The following MKS1 variants were observed in gnomAD, a reference collection of about 807,000 sequenced individuals.
MKS1 encodes the protein MKS transition zone complex subunit 1.
In MKS1, 70 loss-of-function variants were observed where a neutral mutation model predicts 83.7. The ratio of observed to expected loss-of-function variants is 0.84; its 90% CI spans 0.69 to 1.02. The LOEUF is 1.02. Ranked by LOEUF, MKS1 falls within the 50% of genes least tolerant of loss-of-function variation. The probability of loss-of-function intolerance (pLI) is 0.00; values close to 1 mark genes in which losing one functional copy is unlikely to be tolerated. For synonymous variants in MKS1, 251 were observed against 273.4 expected (o/e 0.92, Z 0.81); for missense variants, 681 against 726.9 (o/e 0.94, Z 0.73).
Position 58,211,042 on chromosome 17 carries a change from GA to G in MKS1, c.916-21del. 6.2e-7 allele frequency: 1 copy of G among 1,613,418 alleles called. No individual in the cohort carries two copies. Among genetic ancestry groups the G allele is most frequent in the Admixed American group, 1.7e-5 (1 of 60,032 alleles). ...GACAGTCTAAGGTGAAGAGAAGTGG[GA>G]AAGGATCAGCAGGCCTGGAGGGAAT... is the stretch of plus-strand genomic sequence containing the variant. On this transcript the variant is annotated intron_variant, in intron 9 of 17. Transcript: ENST00000393119.
chr17:58,210,882 C>T (rs1388320565), intron 10 of MKS1, 98 bp downstream of exon 10: 1 of 1,497,188 alleles, frequency 6.7e-7, no homozygotes, highest in Non-Finnish European at 9.3e-7. Context: ...TTCCCAAGTA[C>T]AGCAGACAAG....
At chr17:58,214,888 G>A (rs375727823) in intron 4 of MKS1, 50 bp from the exon 5 acceptor site, 10 of 1,563,460 alleles carry the variant, frequency 6.4e-6, no homozygotes, top group African/African-American at 2.7e-5. Context: ...GGGCCACATG[G>A]AGCCAAGTAC....
At chr17:58,213,223 T>C (rs1305963357) in intron 7 of MKS1, 133 bp from the exon 8 acceptor site, 6 of 850,454 alleles carry the variant, frequency 7.1e-6, no homozygotes, top group Admixed American at 4.0e-5. Flanking sequence ...AGTGGCTGTA[T>C]TGACGACCAG....
intron 3 of MKS1, 145 bp downstream of exon 3, chr17:58,216,521 C>G: frequency 1.0e-6 from 1 of 974,432 alleles, no homozygotes. Flanking sequence ...GTGGCAATCC[C>G]TATGTTACAA....
At chr17:58,211,729 ATTTTTTTT>A (rs35375018) in intron 9 of MKS1, among the ~76,000 whole-genome samples, 1 of 137,248 alleles carries the variant, frequency 7.3e-6, no homozygotes, top group African/African-American at 2.7e-5. Context: ...TGCCTTGCTA[ATTTTTTTT>A]TTTTTTTTTG....
intron 2 of MKS1, among the ~76,000 whole-genome samples, chr17:58,218,275 C>A (rs912180386): frequency 6.6e-6 from 1 of 151,678 alleles, no homozygotes; most frequent in Non-Finnish European, 1.5e-5. Flanking sequence ...GGTGAAACCC[C>A]GCCTCTACTG....
rs748014480 is a variant in MKS1 at position 58,212,331 on chromosome 17, T to G, written c.915+47A>C. 2.7e-5 allele frequency: 43 copies of G among 1,608,968 alleles called. No individual in the cohort carries two copies. The African/African-American group carries it at 5.6e-4, about 21-fold the overall frequency. On this transcript the variant is annotated intron_variant, in intron 9 of 17. Coordinates refer to ENST00000393119, the MANE Select transcript of MKS1 (RefSeq NM_017777.4). ...TGTAACTCATCCACAGTCAGAATGC[T>G]CCGGCTAAACACAGCTCACAGTGCT...
chr17:58,212,001 AT>A (rs1347434904), intron 9 of MKS1, among the ~76,000 whole-genome samples: 17 of 152,234 alleles, frequency 1.1e-4, no homozygotes, highest in African/African-American at 4.1e-4. Context: ...TAAATTAATT[AT>A]AAAGTAATAC....
chr17:58,217,856 C>G (rs1239793303), intron 2 of MKS1, among the ~76,000 whole-genome samples: 2 of 152,160 alleles, frequency 1.3e-5, no homozygotes, highest in African/African-American at 2.4e-5. Context: ...CTAATACACT[C>G]TTGGGTATGC....
Position 58,212,973 on chromosome 17 carries a change from T to C in MKS1, c.858+9A>G, listed in dbSNP as rs3826300. On this transcript the variant is annotated intron_variant, in intron 8 of 17. Transcript: ENST00000393119. ...ATCCCTTGGATACTTGGAATGAACT[T>C]GCGCTTACATCCTTGAACACTCGCC... The C allele has an allele frequency of 0.45, 720,072 of 1,612,244 alleles. 168,926 individuals carry two copies. Among genetic ancestry groups the C allele is most frequent in the African/African-American group, 0.8 (59,969 of 74,880 alleles).
chr17:58,206,385 A>G lies in MKS1; in HGVS notation c.1491-5T>C. ...GAGCTCGATTCCATGAAGGCCCTGC[A>G]GGGAGGCCAGCCACATGGTTACGGC... On this transcript the variant is annotated splice_region_variant and splice_polypyrimidine_tract_variant and intron_variant, in intron 16 of 17. Coordinates refer to ENST00000393119, the MANE Select transcript of MKS1 (RefSeq NM_017777.4). 1 of 1,614,136 alleles carries G rather than the reference A, an allele frequency of 6.2e-7. No individual in the cohort carries two copies. The highest frequency in any genetic ancestry group is 8.5e-7 in the Non-Finnish European group (1 of 1,180,006).
intron 5 of MKS1, 45 bp from the exon 6 acceptor site, chr17:58,214,432 G>A (rs1408341724): frequency 6.2e-7 from 1 of 1,612,052 alleles, no homozygotes; most frequent in African/African-American, 1.3e-5. Context: ...ACACCCCAAT[G>A]GAGCACCCCA....
chr17:58,215,267 A>G (rs1969122770), intron 4 of MKS1, among the ~76,000 whole-genome samples: 1 of 152,144 alleles, frequency 6.6e-6, no homozygotes, highest in Admixed American at 6.5e-5. Flanking sequence ...AATTTTATTT[A>G]ATTTATATAT....
intron 4 of MKS1, 177 bp from the exon 5 acceptor site, chr17:58,215,015 TTCTACC>T (rs933484090): frequency 5.5e-5 from 50 of 902,250 alleles, no homozygotes; most frequent in Admixed American, 9.6e-5. Context: ...CAAAGAAGAT[TTCTACC>T]ACATCATGGT....
Position 58,205,851 on chromosome 17 carries a change from G to A in MKS1, c.*228C>T. ...CTTGCTGTGATGCCCATTGACAGTG[G>A]CTGCAAATATAAAGGGGGGGCCACA... On this transcript the variant is annotated 3_prime_UTR_variant, in exon 18 of 18. Coordinates refer to ENST00000393119, the MANE Select transcript of MKS1 (RefSeq NM_017777.4). 1 of 1,437,990 alleles carries A rather than the reference G, an allele frequency of 7.0e-7. No homozygotes were observed. The allele number at this position is 1,437,990 out of a possible 1,614,324, so 89.1% of individuals were successfully genotyped here. A position where few individuals can be genotyped will look rare whatever the true frequency, so the allele number is the denominator to read the frequency against.
intron 8 of MKS1, 47 bp downstream of exon 8, chr17:58,212,935 G>C (rs1273702372): frequency 5.7e-6 from 9 of 1,574,182 alleles, no homozygotes; most frequent in Non-Finnish European, 1.7e-6. Flanking sequence ...CTCAGCTCCA[G>C]GCACTGAGGC....
In MKS1 at chr17:58,212,136, C is replaced by A. The variant is rs116573488; in HGVS notation, c.915+242G>T. The stretch of plus-strand genomic sequence containing the variant: ...CTACCACATCTAATCCCACCCTCCC[C>A]AGAGAAAGCCACCCACAGCATGTGC... On this transcript the variant is annotated intron_variant, in intron 9 of 17. Transcript: ENST00000393119. Among the ~76,000 whole-genome samples, 1,821 of 152,282 alleles carry A rather than the reference C, an allele frequency of 0.012. 49 individuals are homozygous for A. The highest frequency in any genetic ancestry group is 0.042 in the African/African-American group (1,730 of 41,548).
intron 3 of MKS1, 125 bp from the exon 4 acceptor site, chr17:58,216,368 A>G: frequency 9.1e-7 from 1 of 1,100,910 alleles, no homozygotes; most frequent in Non-Finnish European, 1.3e-6. Context: ...TTCATAACCA[A>G]CACTAAACTA....
chr17:58,210,659 G>T lies in MKS1; in HGVS notation c.1024C>A (p.His342Asn). ...GGAGAGACTTAAGAATATTACTTACGAGCAGTTGGCAATTCTACAAAGAAG... is the reference window on the plus strand; with the variant it reads ...GGAGAGACTTAAGAATATTACTTACTAGCAGTTGGCAATTCTACAAAGAAG... ...VHFFVELPTA[H>N]WSSPAFQQLS... Residue 342 changes from histidine to asparagine, a missense_variant and splice_region_variant, in exon 11 of 18, where the codon CAC (histidine) becomes AAC (asparagine). This residue lies in a region of MKS1 where 310 missense variants were observed against 321.7 expected (regional missense o/e 0.96). Transcript: ENST00000393119. 1 of 1,612,726 alleles carries T rather than the reference G, an allele frequency of 6.2e-7. No individual in the cohort carries two copies. Among genetic ancestry groups the T allele is most frequent in the Non-Finnish European group, 8.5e-7 (1 of 1,178,752 alleles).
Sources: gnomAD v4.1 joint callset for allele counts (sites outside exome capture counted in the v4.1 genomes callset) on GRCh38, gnomAD v4.1.1 for gene constraint, gnomAD v4.1.1 regional missense constraint, MANE v1.5 for transcripts, NCBI Gene and HGNC (gene_info 2026-07-23, HGNC 2026-07-21) for gene names.